PTPRG: variants seen among roughly 807,000 people sequenced by gnomAD.
PTPRG encodes protein tyrosine phosphatase receptor type G.
Under a neutral mutation model 165.3 loss-of-function variants are expected in PTPRG, and 102 were observed. That is an observed-to-expected ratio of 0.62 (90% CI 0.53 to 0.73). The LOEUF (loss-of-function observed/expected upper bound fraction) is 0.73. PTPRG is among the 30% of genes least tolerant of loss of function. The pLI, the probability that PTPRG is intolerant of heterozygous loss-of-function variation, is 0.00. For missense variants in PTPRG, 1,866 were observed against 1,861.4 expected (o/e 1.00, Z -0.05); for synonymous variants, 675 against 669.5 (o/e 1.01, Z -0.13).
intron 2 of PTPRG, among the ~76,000 whole-genome samples, chr3:61,792,591 T>G (rs1025139498): frequency 1.1e-4 from 16 of 152,226 alleles, no homozygotes; most frequent in Middle Eastern, 3.2e-3. Context: ...TTCAGGAATT[T>G]GGGTTCATAT....
intron 4 of PTPRG, among the ~76,000 whole-genome samples, chr3:62,063,157 GCTTGAA>G (rs1700876527): frequency 1.3e-5 from 2 of 152,242 alleles, no homozygotes; most frequent in African/African-American, 2.4e-5. Context: ...ATGAGGCAGA[GCTTGAA>G]CTTGAACTTT....
At chr3:61,913,311 C>T (rs1423266004) in intron 2 of PTPRG, among the ~76,000 whole-genome samples, 1 of 152,196 alleles carries the variant, frequency 6.6e-6, no homozygotes, top group East Asian at 1.9e-4. Flanking sequence ...GCTCCGCCTC[C>T]TGGGTTCATG....
chr3:62,143,553 T>C (rs184824245), intron 6 of PTPRG, among the ~76,000 whole-genome samples: 4 of 147,822 alleles, frequency 2.7e-5, no homozygotes, highest in African/African-American at 1.1e-4. Flanking sequence ...TCATGAAGAA[T>C]CTTTTTTTTT....
intron 16 of PTPRG, among the ~76,000 whole-genome samples, chr3:62,259,722 G>C (rs569589113): frequency 7.2e-5 from 11 of 152,192 alleles, no homozygotes; most frequent in Non-Finnish European, 1.3e-4. Flanking sequence ...ATAATGCTGT[G>C]TTATACTCTC....
intron 12 of PTPRG, among the ~76,000 whole-genome samples, chr3:62,206,308 C>T (rs1700229269): frequency 6.7e-6 from 1 of 149,280 alleles, no homozygotes; most frequent in African/African-American, 2.5e-5. Context: ...CCTCGGCTTC[C>T]ACCCTACAGA....
At chr3:61,808,423 T>C (rs1363667717) in intron 2 of PTPRG, among the ~76,000 whole-genome samples, 1 of 152,154 alleles carries the variant, frequency 6.6e-6, no homozygotes, top group African/African-American at 2.4e-5. Flanking sequence ...TCTATACATT[T>C]TTTTTTCATC....
intron 5 of PTPRG, among the ~76,000 whole-genome samples, chr3:62,126,334 C>G (rs1703289066): frequency 6.6e-6 from 1 of 152,188 alleles, no homozygotes; most frequent in Non-Finnish European, 1.5e-5. Flanking sequence ...CCATGAATCT[C>G]AATTCTCTGG....
chr3:62,095,003 A>G (rs1340517310), intron 5 of PTPRG, among the ~76,000 whole-genome samples: 1 of 152,234 alleles, frequency 6.6e-6, no homozygotes, highest in Non-Finnish European at 1.5e-5. Flanking sequence ...CCAGAGCAGC[A>G]ACATCATAAT....
chr3:62,063,182 A>G (rs1383957676), intron 4 of PTPRG, among the ~76,000 whole-genome samples: 2 of 152,164 alleles, frequency 1.3e-5, no homozygotes, highest in East Asian at 3.8e-4. Context: ...TTCATTTTCT[A>G]ATTATTATCT....
chr3:62,072,516 A>T (rs1221951921), intron 4 of PTPRG, among the ~76,000 whole-genome samples: 5 of 152,106 alleles, frequency 3.3e-5, no homozygotes, highest in African/African-American at 1.2e-4. Flanking sequence ...AATTTGGCAG[A>T]ACTGGTCCCA....
At chr3:61,992,438 C>T (rs183618034) in intron 3 of PTPRG, among the ~76,000 whole-genome samples, 26 of 152,248 alleles carry the variant, frequency 1.7e-4, no homozygotes, top group East Asian at 1.4e-3. Flanking sequence ...CAGCTCATTG[C>T]AACCTCTGCC....
At chr3:62,005,228 A>G (rs951661832) in intron 4 of PTPRG, among the ~76,000 whole-genome samples, 4 of 152,172 alleles carry the variant, frequency 2.6e-5, no homozygotes, top group African/African-American at 9.7e-5. Flanking sequence ...CACAATAACG[A>G]TATCTTTCAT....
chr3:61,635,668 A>G (rs1347353640), intron 1 of PTPRG, among the ~76,000 whole-genome samples: 3 of 152,002 alleles, frequency 2.0e-5, no homozygotes, highest in Non-Finnish European at 2.9e-5. Context: ...TACTATTATT[A>G]TTGTTGACTT....
intron 4 of PTPRG, among the ~76,000 whole-genome samples, chr3:62,053,850 T>C (rs1160577088): frequency 6.6e-6 from 1 of 152,190 alleles, no homozygotes; most frequent in Admixed American, 6.5e-5. Context: ...ATAATTTGAC[T>C]TCCTAGCTCT....
chr3:61,604,196 C>T (rs916558689), intron 1 of PTPRG, among the ~76,000 whole-genome samples: 15 of 152,166 alleles, frequency 9.9e-5, no homozygotes, highest in Admixed American at 9.8e-4. Flanking sequence ...TAGTGGTGGG[C>T]ACCTGTATTC....
intron 6 of PTPRG, among the ~76,000 whole-genome samples, chr3:62,150,071 G>A (rs906641579): frequency 6.6e-6 from 1 of 152,182 alleles, no homozygotes; most frequent in Non-Finnish European, 1.5e-5. Flanking sequence ...TTCCTTCTCA[G>A]TGATCCTGCC....
At chr3:62,286,376 T>C (rs1257331646) in intron 28 of PTPRG, among the ~76,000 whole-genome samples, 1 of 152,162 alleles carries the variant, frequency 6.6e-6, no homozygotes, top group Non-Finnish European at 1.5e-5. Flanking sequence ...GGAAGCTGCA[T>C]TTCTTCACAG....
At position 62,201,191 on chromosome 3, in the gene PTPRG, G is replaced by T. The variant is rs984272258; in HGVS notation, c.1328-314G>T. Among the ~76,000 whole-genome samples, 5 of 152,164 alleles carry T rather than the reference G, an allele frequency of 3.3e-5. 1 individual carries two copies. The highest frequency in any genetic ancestry group is 2.1e-4 in the South Asian group (1 of 4,822). ...ATTCAACTATACACCTATATTTTAT[G>T]CATTTTACCGTATGTAAGCTTTTAC... On this transcript the variant is annotated intron_variant, in intron 10 of 29. Coordinates refer to ENST00000474889, the MANE Select transcript of PTPRG (RefSeq NM_002841.4).
At chr3:61,686,780 C>T (rs919896224) in intron 1 of PTPRG, among the ~76,000 whole-genome samples, 2 of 152,066 alleles carry the variant, frequency 1.3e-5, no homozygotes, top group Non-Finnish European at 2.9e-5. Context: ...TCTCTATTTC[C>T]CTAGATAGCC....
Sources: allele counts gnomAD v4.1 joint callset (sites outside exome capture counted in the v4.1 genomes callset), GRCh38; gene constraint gnomAD v4.1.1; transcripts MANE v1.5; gene names NCBI Gene and HGNC (gene_info 2026-07-23, HGNC 2026-07-21).